LCORL: variants seen among roughly 807,000 people sequenced by gnomAD.
LCORL encodes the protein ligand-dependent nuclear receptor corepressor-like protein.
Under a neutral mutation model 141.8 loss-of-function variants are expected in LCORL, and 41 were observed. The ratio of observed to expected loss-of-function variants is 0.29; its 90% CI spans 0.23 to 0.38. LCORL has a LOEUF of 0.38. LCORL is among the 10% of genes least tolerant of loss of function. LCORL has a pLI of 1.00. For missense variants in LCORL, 1,759 were observed against 2,035.0 expected, an observed-to-expected ratio of 0.86 and a Z score of 2.61; for synonymous variants, 618 against 694.1, an observed-to-expected ratio of 0.89 and a Z score of 1.72.
chr4:17,980,764 G>C (rs1489629142), intron 1 of LCORL, among the ~76,000 whole-genome samples: 1 of 152,212 alleles, frequency 6.6e-6, no homozygotes, highest in Non-Finnish European at 1.5e-5. Context: ...CAGGAGGTGA[G>C]CAGCGGGCAA....
intron 4 of LCORL, among the ~76,000 whole-genome samples, chr4:17,951,995 GAA>G (rs918789614): frequency 5.9e-5 from 9 of 152,072 alleles, no homozygotes; most frequent in Non-Finnish European, 2.9e-5. Context: ...AGAAAACTGG[GAA>G]AAATATCATT....
chr4:17,962,998 A>C, exon 3 of LCORL: 1 of 1,597,970 alleles, frequency 6.3e-7, no homozygotes, highest in Non-Finnish European at 8.5e-7. Context: ...TAGGTTACAA[A>C]ATGAACATTT....
chr4:17,927,552 G>A (rs1468251355), intron 4 of LCORL, among the ~76,000 whole-genome samples: 1 of 152,068 alleles, frequency 6.6e-6, no homozygotes, highest in African/African-American at 2.4e-5. Context: ...TATAGCTTTT[G>A]ATTTAAAATA....
chr4:17,999,802 G>A (rs1007959902), intron 1 of LCORL, among the ~76,000 whole-genome samples: 4 of 152,240 alleles, frequency 2.6e-5, no homozygotes, highest in African/African-American at 9.6e-5. Flanking sequence ...TTTTTGATAC[G>A]ATTTCTCAGT....
At chr4:17,876,129 G>T in exon 7 of LCORL, 1 of 1,230,824 alleles carries the variant, frequency 8.1e-7, no homozygotes, top group Non-Finnish European at 1.0e-6. Context: ...AGAATAGTTG[G>T]AAACAGATGA....
At chr4:17,997,769 C>T (rs1721136823) in intron 1 of LCORL, among the ~76,000 whole-genome samples, 1 of 139,608 alleles carries the variant, frequency 7.2e-6, no homozygotes, top group African/African-American at 3.1e-5. Context: ...AGGTATACTA[C>T]CATTATTGTT....
chr4:17,883,912 G>T, intron 6 of LCORL: 2 of 1,550,476 alleles, frequency 1.3e-6, no homozygotes, highest in Non-Finnish European at 1.7e-6. Context: ...TCATTTTTCC[G>T]CTCATTACCA....
At chr4:17,922,019 C>A (rs1309655196) in intron 4 of LCORL, among the ~76,000 whole-genome samples, 3 of 152,168 alleles carry the variant, frequency 2.0e-5, no homozygotes, top group African/African-American at 7.2e-5. Context: ...GCACTGTCGG[C>A]TTCCCTACTT....
intron 4 of LCORL, among the ~76,000 whole-genome samples, chr4:17,956,048 G>T (rs548823296): frequency 1.4e-4 from 21 of 152,016 alleles, no homozygotes; most frequent in Middle Eastern, 3.4e-3. Flanking sequence ...ACAGGCATAT[G>T]AAAAAAATGT....
Position 18,021,603 on chromosome 4 carries a change from C to T in LCORL, c.149G>A (p.Cys50Tyr), listed in dbSNP as rs1725599099. The change falls in exon 1 of 8, where the codon TGT (cysteine) becomes TAT (tyrosine). Residue 50 changes from cysteine to tyrosine, a missense_variant. By Grantham distance (194) the Cys-to-Tyr change is radical. Coordinates refer to ENST00000635767, the Ensembl canonical transcript of LCORL. The surrounding 1 kb of genome is among the most constrained non-coding windows in gnomAD (Gnocchi z 5.5). Reference sequence around the variant, plus strand: ...CCGGCCCGCGTCTCTCTTACCTACACAGTGCATGAGGCGGTGGCGCCAAGA... The same window carrying T: ...CCGGCCCGCGTCTCTCTTACCTACATAGTGCATGAGGCGGTGGCGCCAAGA... 2 of 1,543,746 alleles carry T rather than the reference C, an allele frequency of 1.3e-6. No individual in the cohort carries two copies. Among genetic ancestry groups the T allele is most frequent in the South Asian group, 1.2e-5 (1 of 83,814 alleles).
chr4:18,009,107 G>A (rs971417170), intron 1 of LCORL, among the ~76,000 whole-genome samples: 3 of 152,026 alleles, frequency 2.0e-5, no homozygotes, highest in African/African-American at 7.2e-5. Flanking sequence ...TAGGGCATGT[G>A]TATGTATACA....
intron 4 of LCORL, among the ~76,000 whole-genome samples, chr4:17,936,588 A>G (rs563132263): frequency 6.6e-6 from 1 of 152,334 alleles, no homozygotes; most frequent in African/African-American, 2.4e-5. Context: ...AAGTTCAGAT[A>G]GCAATGGATA....
chr4:17,912,455 C>T, intron 4 of LCORL: 1 of 569,574 alleles, frequency 1.8e-6, no homozygotes, highest in East Asian at 4.2e-5. Context: ...GACATCTGGG[C>T]CCAATACGAT....
chr4:17,882,822 TATC>T, intron 6 of LCORL: 1 of 984,710 alleles, frequency 1.0e-6, no homozygotes, highest in Non-Finnish European at 1.2e-6. Context: ...AAACCAAAAT[TATC>T]ATTCTCAAGC....
Position 17,972,816 on chromosome 4 carries a change from T to G in LCORL, c.220+4A>C. ...CAACTTTTAAATAAAATTTTAAAAA[T>G]TACCTTCAAATAAACTGAGGTCTCT... is the stretch of plus-strand genomic sequence containing the variant. On this transcript the variant is annotated splice_donor_region_variant and intron_variant, in intron 2 of 7. Coordinates refer to ENST00000635767, the Ensembl canonical transcript of LCORL. 7.1e-7 allele frequency: 1 copy of G among 1,408,956 alleles called. No homozygotes were observed. Among genetic ancestry groups the G allele is most frequent in the Non-Finnish European group, 9.3e-7 (1 of 1,073,780 alleles). 87.3% of individuals were successfully genotyped at this position (1,408,956 alleles called of 1,614,324 possible).
At position 17,923,739 on chromosome 4, in the gene LCORL, AG is replaced by A. The variant is rs373307640; in HGVS notation, c.431-14395del. 7.2e-3 allele frequency among the ~76,000 whole-genome samples: 1,096 copies of A among 152,222 alleles called. 18 individuals are homozygous for A. The highest frequency in any genetic ancestry group is 0.025 in the African/African-American group (1,057 of 41,546). Reference sequence around the variant, plus strand: ...GTTTAATGTAGAGGAAGGGATCCAAAGGCTTAGGGACATTGGGATGTTAGAG... The same window carrying A: ...GTTTAATGTAGAGGAAGGGATCCAAAGCTTAGGGACATTGGGATGTTAGAG... On this transcript the variant is annotated intron_variant, in intron 4 of 7. Coordinates refer to ENST00000635767, the Ensembl canonical transcript of LCORL.
chr4:17,966,956 C>CA (rs890523275), intron 2 of LCORL, among the ~76,000 whole-genome samples: 19 of 152,156 alleles, frequency 1.2e-4, no homozygotes, highest in South Asian at 2.1e-4. Flanking sequence ...AATTTGTCCA[C>CA]AAAAAAATTT....
At chr4:17,928,682 A>G (rs1735538835) in intron 4 of LCORL, among the ~76,000 whole-genome samples, 1 of 152,232 alleles carries the variant, frequency 6.6e-6, no homozygotes, top group African/African-American at 2.4e-5. Context: ...TGTCAGGAAC[A>G]AAACAAGGAT....
chr4:17,985,515 T>C (rs1483471666), intron 1 of LCORL, among the ~76,000 whole-genome samples: 5 of 152,202 alleles, frequency 3.3e-5, no homozygotes, highest in African/African-American at 4.8e-5. Context: ...TTTACCCTTA[T>C]TTAATGCTCT....
Sources: allele counts gnomAD v4.1 joint callset (sites outside exome capture counted in the v4.1 genomes callset), GRCh38; gene constraint gnomAD v4.1.1; non-coding constraint Gnocchi (gnomAD v3.1); transcripts MANE v1.5; gene names NCBI Gene and HGNC (gene_info 2026-07-23, HGNC 2026-07-21).